The following CHN1 variants were observed in gnomAD, a reference collection of about 807,000 sequenced individuals.
CHN1 encodes N-chimaerin.
In CHN1, 37 loss-of-function variants were observed where a neutral mutation model predicts 59.5. The observed-to-expected ratio is 0.62, with a 90% CI of 0.48 to 0.82. The LOEUF (loss-of-function observed/expected upper bound fraction) is 0.82. Ranked by LOEUF, CHN1 falls within the 40% of genes least tolerant of loss-of-function variation. The pLI is 0.00. For missense variants in CHN1, 469 were observed against 571.0 expected (o/e 0.82, Z 1.82); for synonymous variants, 206 against 200.4 (o/e 1.03, Z -0.24).
At position 175,005,220 on chromosome 2, in the gene CHN1, G is replaced by C; in HGVS notation, c.-308C>G. 1 of 1,205,150 alleles carries C rather than the reference G, an allele frequency of 8.3e-7. No individual in the cohort carries two copies. The highest frequency in any genetic ancestry group is 1.0e-6 in the Non-Finnish European group (1 of 968,334). The allele number at this position is 1,205,150 out of a possible 1,614,324, so 74.7% of individuals were successfully genotyped here. A position where few individuals can be genotyped will look rare whatever the true frequency, so the allele number is the denominator to read the frequency against. On this transcript the variant is annotated 5_prime_UTR_variant, in exon 1 of 13. Transcript: ENST00000409900. ...GGAGGAGGTACCTGCGAGGCAGGAG[G>C]CTTGGCCGCGGCGCAGTGGCTGGCG...
chr2:174,886,480 T>C (rs951841662), intron 5 of CHN1, among the ~76,000 whole-genome samples: 1 of 152,242 alleles, frequency 6.6e-6, no homozygotes, highest in Non-Finnish European at 1.5e-5. Flanking sequence ...AACTGTGTTC[T>C]CCTTCCAATT....
chr2:174,861,080 TGTTAAGTGGTTAAAAGCTTG>T (rs1687054111), intron 6 of CHN1, among the ~76,000 whole-genome samples: 1 of 152,060 alleles, frequency 6.6e-6, no homozygotes, highest in African/African-American at 2.4e-5. Flanking sequence ...TAAAATTCAG[TGTTAAGTGGTTAAAAGCTTG>T]GCTCTTGAGT....
chr2:174,835,186 G>C (rs1290009356), intron 7 of CHN1, among the ~76,000 whole-genome samples: 1 of 152,108 alleles, frequency 6.6e-6, no homozygotes, highest in Non-Finnish European at 1.5e-5. Context: ...AATGAATATT[G>C]CTTTCAGACC....
chr2:174,981,730 C>T (rs1574239726), intron 1 of CHN1, among the ~76,000 whole-genome samples: 1 of 152,136 alleles, frequency 6.6e-6, no homozygotes, highest in East Asian at 1.9e-4. Flanking sequence ...TATTTTTTTC[C>T]TGATGATATG....
At chr2:174,889,392 G>A (rs1022163973) in intron 5 of CHN1, among the ~76,000 whole-genome samples, 8 of 151,690 alleles carry the variant, frequency 5.3e-5, no homozygotes, top group African/African-American at 9.7e-5. Flanking sequence ...CCAAATAAAT[G>A]GATATCTATG....
rs1049585620 is a variant in CHN1, at chr2:175,005,272, C to T, written c.-360G>A. ...AGAGGCGGCGCCGCACTGGCGGCGG[C>T]GGCGGCGGCGACGGGGAGAGCAGCA... On this transcript the variant is annotated 5_prime_UTR_variant, in exon 1 of 13. Transcript: ENST00000409900. The T allele has an allele frequency of 2.6e-6, 3 of 1,164,814 alleles. No individual in the cohort carries two copies. Among genetic ancestry groups the T allele is most frequent in the Admixed American group, 4.8e-5 (1 of 20,714 alleles). The allele number at this position is 1,164,814 out of a possible 1,614,324, so 72.2% of individuals were successfully genotyped here.
intron 7 of CHN1, among the ~76,000 whole-genome samples, chr2:174,834,654 C>G (rs1437817828): frequency 6.6e-6 from 1 of 151,886 alleles, no homozygotes; most frequent in Non-Finnish European, 1.5e-5. Context: ...TAATGTGCAT[C>G]CCCCCAACTG....
intron 7 of CHN1, among the ~76,000 whole-genome samples, chr2:174,828,864 A>C (rs751088143): frequency 2.0e-5 from 3 of 152,166 alleles, no homozygotes; most frequent in Non-Finnish European, 4.4e-5. Context: ...ACCCCCTAGA[A>C]ATCTGCAACC....
At chr2:174,963,220 T>C (rs182393003) in intron 1 of CHN1, among the ~76,000 whole-genome samples, 2 of 152,186 alleles carry the variant, frequency 1.3e-5, no homozygotes, top group African/African-American at 4.8e-5. Flanking sequence ...GTAACAAAAA[T>C]ATGATGGATA....
chr2:174,922,487 TCAAGTCTAGCCTGGCAACACAGC>T, intron 3 of CHN1, among the ~76,000 whole-genome samples: 1 of 152,282 alleles, frequency 6.6e-6, no homozygotes, highest in African/African-American at 2.4e-5. Context: ...GGCCATAAGC[TCAAGTCTAGCCTGGCAACACAGC>T]AAGACCCCTA....
At chr2:174,989,308 G>A (rs754878703) in intron 1 of CHN1, among the ~76,000 whole-genome samples, 17 of 152,028 alleles carry the variant, frequency 1.1e-4, no homozygotes, top group East Asian at 5.8e-4. Context: ...ACCAGAAGGC[G>A]GAGGTTGCAG....
chr2:174,971,008 T>C (rs1690741014), intron 1 of CHN1, among the ~76,000 whole-genome samples: 1 of 152,222 alleles, frequency 6.6e-6, no homozygotes, highest in South Asian at 2.1e-4. Context: ...TGACTCTTCT[T>C]ACTACATTTA....
At chr2:174,923,166 A>G (rs1020824126) in intron 3 of CHN1, among the ~76,000 whole-genome samples, 9 of 151,094 alleles carry the variant, frequency 6.0e-5, no homozygotes, top group Non-Finnish European at 1.2e-4. Context: ...TTTGAGACGG[A>G]GTCTCGCTCT....
chr2:174,899,161 T>C (rs1195601286), intron 5 of CHN1, among the ~76,000 whole-genome samples: 1 of 149,042 alleles, frequency 6.7e-6, no homozygotes, highest in East Asian at 1.9e-4. Flanking sequence ...GAAAAAGTGC[T>C]GTAAGAAGCC....
At position 174,970,725 on chromosome 2, in the gene CHN1, A is replaced by G. The variant is rs1260335740; in HGVS notation, c.20-18523T>C. Among the ~76,000 whole-genome samples, 5 of 152,344 alleles carry G rather than the reference A, an allele frequency of 3.3e-5. No homozygotes were observed. The South Asian group carries it at 8.3e-4, about 25-fold the overall frequency. On this transcript the variant is annotated intron_variant, in intron 1 of 12. Transcript: ENST00000409900. ...GGAGATCATAATGTACGAGAGTAAA[A>G]ATGTCATTGATATGGTTTCAAAGTC...
At chr2:174,911,111 A>G (rs1189753745) in intron 5 of CHN1, among the ~76,000 whole-genome samples, 1 of 152,184 alleles carries the variant, frequency 6.6e-6, no homozygotes, top group Non-Finnish European at 1.5e-5. Context: ...CACAAACAGC[A>G]GAAGTCAGGA....
At position 174,877,830 on chromosome 2, in the gene CHN1, A is replaced by G. The variant is rs1385913052; in HGVS notation, c.549+10T>C. 7 of 1,602,364 alleles carry G rather than the reference A, an allele frequency of 4.4e-6. 1 individual carries two copies. Among genetic ancestry groups the G allele is most frequent in the Non-Finnish European group, 5.1e-6 (6 of 1,173,622 alleles). ...AGAAAAAGATAAAGTGTGGTTTCATAGTAGCTTACCCTTTTCTCTGACACC... is the reference window on the plus strand; with the variant it reads ...AGAAAAAGATAAAGTGTGGTTTCATGGTAGCTTACCCTTTTCTCTGACACC... On this transcript the variant is annotated intron_variant, in intron 6 of 12. Coordinates refer to ENST00000409900, the MANE Select transcript of CHN1 (RefSeq NM_001822.7).
At chr2:174,979,150 GCAT>G (rs1223519635) in intron 1 of CHN1, among the ~76,000 whole-genome samples, 3 of 152,150 alleles carry the variant, frequency 2.0e-5, no homozygotes, top group Non-Finnish European at 4.4e-5. Flanking sequence ...TCAAGTCGAG[GCAT>G]CATCATTTAC....
intron 7 of CHN1, among the ~76,000 whole-genome samples, chr2:174,840,509 C>T (rs945483155): frequency 6.6e-6 from 1 of 151,990 alleles, no homozygotes; most frequent in Non-Finnish European, 1.5e-5. Context: ...ATTATATTGA[C>T]ATTTGCTTTC....
Sources: gnomAD v4.1 joint callset for allele counts (sites outside exome capture counted in the v4.1 genomes callset) on GRCh38, gnomAD v4.1.1 for gene constraint, MANE v1.5 for transcripts, NCBI Gene and HGNC (gene_info 2026-07-23, HGNC 2026-07-21) for gene names.